The following CPNE4 variants were observed in gnomAD, a reference collection of about 807,000 sequenced individuals.
CPNE4 encodes copine-4.
A neutral mutation model predicts 67.9 loss-of-function variants in CPNE4; 25 were observed. The observed-to-expected ratio is 0.37, with a 90% CI of 0.27 to 0.51. The LOEUF (loss-of-function observed/expected upper bound fraction) is 0.51. Ranked by LOEUF, CPNE4 falls within the 20% of genes least tolerant of loss-of-function variation. The probability of loss-of-function intolerance (pLI) is 0.93; values close to 1 mark genes in which losing one functional copy is unlikely to be tolerated. For missense variants in CPNE4, 464 were observed against 690.8 expected, an observed-to-expected ratio of 0.67 and a Z score of 3.68; for synonymous variants, 242 against 244.9, an observed-to-expected ratio of 0.99 and a Z score of 0.11.
intron 3 of CPNE4, among the ~76,000 whole-genome samples, chr3:131,707,942 A>C (rs563081128): frequency 1.3e-5 from 2 of 152,076 alleles, no homozygotes; most frequent in East Asian, 3.9e-4. Flanking sequence ...AAATGGTACT[A>C]CTCCATGGGT....
intron 5 of CPNE4, among the ~76,000 whole-genome samples, chr3:131,692,631 G>A (rs2081059349): frequency 1.3e-5 from 2 of 152,152 alleles, no homozygotes; most frequent in African/African-American, 4.8e-5. Flanking sequence ...AGGCAGAGCT[G>A]AGCAGTGGGG....
intron 10 of CPNE4, among the ~76,000 whole-genome samples, chr3:131,569,550 ATCACTTGAGC>A (rs1273254385): frequency 6.6e-6 from 1 of 151,880 alleles, no homozygotes; most frequent in Non-Finnish European, 1.5e-5. Flanking sequence ...AGGCAAGAGC[ATCACTTGAGC>A]TCAGGAGTTT....
At chr3:131,663,448 T>C (rs1461326474) in intron 7 of CPNE4, among the ~76,000 whole-genome samples, 1 of 151,832 alleles carries the variant, frequency 6.6e-6, no homozygotes, top group Non-Finnish European at 1.5e-5. Flanking sequence ...CTACACATTT[T>C]GCACATGTAT....
At chr3:131,712,102 T>G (rs1276661901) in intron 3 of CPNE4, among the ~76,000 whole-genome samples, 5 of 151,688 alleles carry the variant, frequency 3.3e-5, no homozygotes, top group Non-Finnish European at 7.4e-5. Flanking sequence ...GTTTTAAAGT[T>G]CTTCCACATT....
At chr3:132,020,040 C>T (rs556658127) in intron 1 of CPNE4, among the ~76,000 whole-genome samples, 23 of 152,290 alleles carry the variant, frequency 1.5e-4, no homozygotes, top group African/African-American at 4.6e-4. Context: ...AGAGTCAGAA[C>T]GCGGCACAAA....
chr3:131,818,192 T>C (rs2084821828), intron 2 of CPNE4, among the ~76,000 whole-genome samples: 1 of 152,174 alleles, frequency 6.6e-6, no homozygotes, highest in South Asian at 2.1e-4. Context: ...ATTAGTTGAG[T>C]ATATAAAAAC....
At chr3:131,747,115 C>A (rs549405183) in intron 2 of CPNE4, among the ~76,000 whole-genome samples, 175 of 53,248 alleles carry the variant, frequency 3.3e-3, no homozygotes, top group African/African-American at 0.011. Flanking sequence ...GTTTTAAAAT[C>A]ATGTTTTTTT....
chr3:131,685,825 T>G, intron 6 of CPNE4, 50 bp downstream of exon 6: 2 of 1,232,564 alleles, frequency 1.6e-6, no homozygotes, highest in Middle Eastern at 3.8e-4. Flanking sequence ...AATAGGTCAA[T>G]TTATCATCAT....
In CPNE4 at chr3:131,549,956, C is replaced by T; in HGVS notation, c.1293G>A (p.Lys431=). ...AKSASEETNT[K]EASQYFILLI... ...ATAGCCCCCTCCTTACCGATGCCTC[C>T]TTGGTGTTAGTTTCCTCTGACGCTG... Residue 431 remains lysine (K), a synonymous_variant, in exon 14 of 16, where the codon AAG becomes AAA. Coordinates refer to ENST00000429747, the MANE Select transcript of CPNE4 (RefSeq NM_130808.3). 3 of 1,613,034 alleles carry T rather than the reference C, an allele frequency of 1.9e-6. No individual in the cohort carries two copies. Among genetic ancestry groups the T allele is most frequent in the Non-Finnish European group, 2.5e-6 (3 of 1,179,304 alleles).
chr3:131,845,273 CA>C (rs1012949079), intron 2 of CPNE4, among the ~76,000 whole-genome samples: 1 of 152,174 alleles, frequency 6.6e-6, no homozygotes, highest in Non-Finnish European at 1.5e-5. Flanking sequence ...CTCTACCATT[CA>C]AATATATTAT....
chr3:131,875,533 G>A (rs1457628267), intron 2 of CPNE4, among the ~76,000 whole-genome samples: 2 of 152,074 alleles, frequency 1.3e-5, no homozygotes, highest in African/African-American at 4.8e-5. Context: ...CCTTTGTAGG[G>A]ACATGGATGA....
chr3:131,879,852 A>G (rs1488454330), intron 2 of CPNE4, among the ~76,000 whole-genome samples: 2 of 152,102 alleles, frequency 1.3e-5, no homozygotes, highest in African/African-American at 2.4e-5. Context: ...CCCTTTCTAG[A>G]CAGTGTTATT....
intron 1 of CPNE4, among the ~76,000 whole-genome samples, chr3:131,974,768 G>A (rs2072601187): frequency 6.6e-6 from 1 of 152,142 alleles, no homozygotes; most frequent in Admixed American, 6.5e-5. Context: ...AGCACTTTGG[G>A]AGGCTAAGGC....
chr3:131,581,127 C>T (rs58422513), intron 9 of CPNE4, among the ~76,000 whole-genome samples: 3,806 of 152,216 alleles, frequency 0.025, 83 homozygotes, highest in African/African-American at 0.064. Flanking sequence ...GAGCCGATAT[C>T]GCACCACTGC....
intron 1 of CPNE4, 82 bp downstream of exon 1, chr3:132,034,485 G>T: frequency 1.6e-6 from 1 of 641,190 alleles, no homozygotes; most frequent in Non-Finnish European, 1.9e-6. Context: ...TCAAAAGTTG[G>T]TCTTGCTACG....
intron 2 of CPNE4, among the ~76,000 whole-genome samples, chr3:131,728,557 C>A (rs1190799042): frequency 6.6e-6 from 1 of 152,048 alleles, no homozygotes; most frequent in Non-Finnish European, 1.5e-5. Flanking sequence ...CTCTGGAGAT[C>A]TGATTTATCC....
At chr3:131,607,675 A>C (rs1410929502) in intron 7 of CPNE4, among the ~76,000 whole-genome samples, 1 of 152,200 alleles carries the variant, frequency 6.6e-6, no homozygotes, top group Non-Finnish European at 1.5e-5. Context: ...AAGCATTTTA[A>C]AAGTTCATTT....
chr3:131,717,424 T>TA (rs373416175), intron 3 of CPNE4, among the ~76,000 whole-genome samples: 292 of 152,318 alleles, frequency 1.9e-3, no homozygotes, highest in African/African-American at 6.7e-3. Flanking sequence ...TCCACTCTAA[T>TA]ATTAGCAGCT....
intron 1 of CPNE4, among the ~76,000 whole-genome samples, chr3:131,942,768 TGCC>T (rs1177487473): frequency 2.6e-5 from 4 of 152,092 alleles, no homozygotes; most frequent in Non-Finnish European, 5.9e-5. Flanking sequence ...AGCAAGGCAT[TGCC>T]ATATCCAGAA....
Sources: gnomAD v4.1 joint callset for allele counts (sites outside exome capture counted in the v4.1 genomes callset) on GRCh38, gnomAD v4.1.1 for gene constraint, MANE v1.5 for transcripts, NCBI Gene and HGNC (gene_info 2026-07-23, HGNC 2026-07-21) for gene names.